The following FIG4 variants were observed in gnomAD, a reference collection of about 807,000 sequenced individuals.
The protein encoded by FIG4 is polyphosphoinositide phosphatase.
FIG4 carries 112 observed loss-of-function variants against 118.6 expected under a neutral mutation model. The ratio of observed to expected loss-of-function variants is 0.94; its 90% CI spans 0.81 to 1.11. FIG4 has a LOEUF of 1.11. Ranked by LOEUF, FIG4 falls within the 50% of genes least tolerant of loss-of-function variation. FIG4 has a pLI of 0.00. For synonymous variants in FIG4, 369 were observed against 381.2 expected (o/e 0.97, Z 0.37); for missense variants, 969 against 1,111.7 (o/e 0.87, Z 1.83).
intron 11 of FIG4, among the ~76,000 whole-genome samples, chr6:109,761,463 G>A (rs139877355): frequency 5.0e-4 from 76 of 152,246 alleles, no homozygotes; most frequent in African/African-American, 1.6e-3. Context: ...TCGGCTCACT[G>A]CAAACTCCAC....
intron 22 of FIG4, among the ~76,000 whole-genome samples, chr6:109,798,309 C>T (rs1205412383): frequency 6.6e-6 from 1 of 152,062 alleles, no homozygotes; most frequent in Admixed American, 6.6e-5. Context: ...TTAAGGATGA[C>T]CCTTAGGTTT....
At chr6:109,764,610 A>C (rs1038170455) in intron 13 of FIG4, among the ~76,000 whole-genome samples, 4 of 152,304 alleles carry the variant, frequency 2.6e-5, no homozygotes, top group African/African-American at 9.6e-5. Flanking sequence ...TATGTTAACT[A>C]TGCTTTAAGA....
intron 10 of FIG4, among the ~76,000 whole-genome samples, chr6:109,754,336 G>T (rs1776810831): frequency 6.6e-6 from 1 of 152,182 alleles, no homozygotes; most frequent in Non-Finnish European, 1.5e-5. Flanking sequence ...GCTGGATTCA[G>T]TTTGCCAGTA....
At chr6:109,715,018 A>G in intron 1 of FIG4, 60 bp from the exon 2 acceptor site, 4 of 915,404 alleles carry the variant, frequency 4.4e-6, no homozygotes, top group South Asian at 1.4e-5. Context: ...CTAAAGTGGT[A>G]TAAAATGTGT....
In FIG4 at chr6:109,763,883, A is replaced by C. The variant is rs1200987329; in HGVS notation, c.1389-54A>C. The C allele has an allele frequency of 6.8e-6, 8 of 1,182,288 alleles. No individual in the cohort carries two copies. The East Asian group carries it at 1.9e-4, about 28-fold the overall frequency. 73.2% of individuals were successfully genotyped at this position (1,182,288 alleles called of 1,614,324 possible). A position where few individuals can be genotyped will look rare whatever the true frequency, so the allele number is the denominator to read the frequency against. ...TCTTAACAAGGATCTGGTACTGAAA[A>C]TAAATATGTATTCTGCCATTAAGTT... On this transcript the variant is annotated intron_variant, in intron 12 of 22. Coordinates refer to ENST00000230124, the MANE Select transcript of FIG4 (RefSeq NM_014845.6).
At position 109,822,885 on chromosome 6, in the gene FIG4, G is replaced by A. The variant is rs925409139; in HGVS notation, c.2547-2203G>A. Among the ~76,000 whole-genome samples the A allele has an allele frequency of 2.1e-5, 3 of 142,876 alleles. No individual in the cohort carries two copies. In the East Asian group the frequency reaches 6.1e-4, roughly 29 times the overall value. The allele number at this position is 142,876 out of a possible 152,430, so 93.7% of individuals were successfully genotyped here. A position where few individuals can be genotyped will look rare whatever the true frequency, so the allele number is the denominator to read the frequency against. ...ATATACATATATAAGTAGGTATAAA[G>A]CATAACTATATATATATAGTGTGTG... is the stretch of plus-strand genomic sequence containing the variant. On this transcript the variant is annotated intron_variant, in intron 22 of 22. Coordinates refer to ENST00000230124, the MANE Select transcript of FIG4 (RefSeq NM_014845.6).
At chr6:109,719,073 C>T (rs1048810905) in intron 3 of FIG4, among the ~76,000 whole-genome samples, 3 of 152,002 alleles carry the variant, frequency 2.0e-5, no homozygotes, top group East Asian at 1.9e-4. Flanking sequence ...TGTGCGCCAC[C>T]ATGCCTGGCT....
chr6:109,805,922 T>A (rs1364145341), intron 22 of FIG4, among the ~76,000 whole-genome samples: 1 of 152,182 alleles, frequency 6.6e-6, no homozygotes, highest in African/African-American at 2.4e-5. Flanking sequence ...TTATTTTTGA[T>A]AATAGAATAG....
At chr6:109,754,913 G>A (rs1409434393) in intron 10 of FIG4, among the ~76,000 whole-genome samples, 1 of 151,946 alleles carries the variant, frequency 6.6e-6, no homozygotes, top group Non-Finnish European at 1.5e-5. Context: ...TTTTTTGAAG[G>A]ATTTTTTTTT....
chr6:109,784,084 C>A (rs886070018), intron 16 of FIG4, among the ~76,000 whole-genome samples: 2 of 151,984 alleles, frequency 1.3e-5, no homozygotes, highest in South Asian at 2.1e-4. Context: ...TTTTAGAAAG[C>A]CTTTCATTTA....
At chr6:109,707,618 A>G (rs943313995) in intron 1 of FIG4, among the ~76,000 whole-genome samples, 4 of 151,932 alleles carry the variant, frequency 2.6e-5, no homozygotes, top group Admixed American at 6.6e-5. Flanking sequence ...CTTGTCTGAC[A>G]TTTTTCTCAT....
At chr6:109,753,701 A>G (rs1234988845) in intron 10 of FIG4, among the ~76,000 whole-genome samples, 2 of 151,944 alleles carry the variant, frequency 1.3e-5, no homozygotes, top group African/African-American at 4.8e-5. Flanking sequence ...TTCTCTTTGA[A>G]GCAATTGTGA....
At chr6:109,819,734 G>A (rs1778955068) in intron 22 of FIG4, among the ~76,000 whole-genome samples, 1 of 152,112 alleles carries the variant, frequency 6.6e-6, no homozygotes, top group African/African-American at 2.4e-5. Flanking sequence ...CTCTTAAAGT[G>A]CTGGGATTAT....
chr6:109,703,263 A>G (rs56125306), intron 1 of FIG4, among the ~76,000 whole-genome samples: 44,210 of 151,970 alleles, frequency 0.29, 6,943 homozygotes, highest in Non-Finnish European at 0.35. Flanking sequence ...GAGAGCTTCT[A>G]ATGTTACTCT....
At chr6:109,773,606 C>T (rs1225008711) in intron 15 of FIG4, among the ~76,000 whole-genome samples, 1 of 152,152 alleles carries the variant, frequency 6.6e-6, no homozygotes, top group African/African-American at 2.4e-5. Context: ...ATCCCTACTT[C>T]TGACACGCTA....
chr6:109,794,209 C>T (rs1778214102), intron 21 of FIG4, among the ~76,000 whole-genome samples: 1 of 152,168 alleles, frequency 6.6e-6, no homozygotes, highest in South Asian at 2.1e-4. Context: ...GTTCTTTAGG[C>T]AATTCTGTAG....
At chr6:109,693,898 G>GGTTTT (rs113802671) in intron 1 of FIG4, among the ~76,000 whole-genome samples, 11 of 150,490 alleles carry the variant, frequency 7.3e-5, no homozygotes, top group South Asian at 4.2e-4. Flanking sequence ...TAAGCAGAAA[G>GGTTTT]GTTTTGTTTT....
At chr6:109,726,963 C>A in intron 3 of FIG4, 146 bp from the exon 4 acceptor site, 2 of 688,036 alleles carry the variant, frequency 2.9e-6, no homozygotes, top group South Asian at 3.4e-5. Flanking sequence ...GAGAATAATC[C>A]TAAGACACCT....
chr6:109,816,654 C>A (rs1219859627), intron 22 of FIG4, among the ~76,000 whole-genome samples: 4 of 152,092 alleles, frequency 2.6e-5, no homozygotes, highest in African/African-American at 7.2e-5. Context: ...CACAGCCAAG[C>A]CCTCTCTCAT....
Sources: allele counts gnomAD v4.1 joint callset (sites outside exome capture counted in the v4.1 genomes callset), GRCh38; gene constraint gnomAD v4.1.1; transcripts MANE v1.5; gene names NCBI Gene and HGNC (gene_info 2026-07-23, HGNC 2026-07-21).